TIAM1: variants seen among roughly 807,000 people sequenced by gnomAD.
TIAM1 encodes the protein TIAM Rac1 associated GEF 1, also known as rho guanine nucleotide exchange factor TIAM1.
Under a neutral mutation model 163.5 loss-of-function variants are expected in TIAM1, and 65 were observed. That is an observed-to-expected ratio of 0.40 (90% CI 0.33 to 0.49). The LOEUF is 0.49. TIAM1 is among the 20% of genes least tolerant of loss of function. The pLI, the probability that TIAM1 is intolerant of heterozygous loss-of-function variation, is 0.77. For synonymous variants in TIAM1, 833 were observed against 810.1 expected (o/e 1.03, Z -0.48); for missense variants, 1,789 against 2,044.7 (o/e 0.87, Z 2.41).
intron 2 of TIAM1, among the ~76,000 whole-genome samples, chr21:31,365,383 C>CTTTTTTTTT (rs201546931): frequency 5.8e-5 from 8 of 138,436 alleles, no homozygotes; most frequent in South Asian, 2.4e-4. Context: ...TCACTTATTT[C>CTTTTTTTTT]TTTCTTTTTT....
chr21:31,433,400 A>G (rs994795227), intron 2 of TIAM1, among the ~76,000 whole-genome samples: 1 of 152,196 alleles, frequency 6.6e-6, no homozygotes, highest in Non-Finnish European at 1.5e-5. Flanking sequence ...GTAGAAGGAG[A>G]ATGAAAACGA....
intron 2 of TIAM1, among the ~76,000 whole-genome samples, chr21:31,317,511 G>A (rs954888294): frequency 1.1e-4 from 17 of 152,120 alleles, no homozygotes; most frequent in Middle Eastern, 3.4e-3. Flanking sequence ...CGGGCACGGC[G>A]GCTCACGCCT....
At chr21:31,221,919 G>C (rs897877545) in intron 8 of TIAM1, among the ~76,000 whole-genome samples, 60 of 152,238 alleles carry the variant, frequency 3.9e-4, no homozygotes, top group African/African-American at 1.4e-3. Context: ...AACTGAAAAC[G>C]TTTTGTAAGT....
chr21:31,154,662 T>G (rs2083535692), intron 16 of TIAM1, among the ~76,000 whole-genome samples: 1 of 152,220 alleles, frequency 6.6e-6, no homozygotes, highest in Non-Finnish European at 1.5e-5. Flanking sequence ...GCCGGTCTAA[T>G]GCATTTCATC....
chr21:31,545,318 T>C (rs975988801), intron 1 of TIAM1, among the ~76,000 whole-genome samples: 3 of 152,206 alleles, frequency 2.0e-5, no homozygotes, highest in Non-Finnish European at 2.9e-5. Context: ...CCTAGGGCCC[T>C]CAGAGGGAGT....
chr21:31,558,096 C>T (rs62222900), intron 1 of TIAM1, among the ~76,000 whole-genome samples: 12,177 of 152,274 alleles, frequency 0.08, 614 homozygotes, highest in Admixed American at 0.11. Flanking sequence ...GGGGGGCGCA[C>T]GGCGCGCTGC....
chr21:31,163,100 A>G (rs1238757516), intron 16 of TIAM1, among the ~76,000 whole-genome samples: 1 of 152,216 alleles, frequency 6.6e-6, no homozygotes, highest in African/African-American at 2.4e-5. Context: ...CTGACCTATC[A>G]AAGTAAAGTA....
chr21:31,296,227 G>T (rs989524507), intron 2 of TIAM1, among the ~76,000 whole-genome samples: 1 of 152,082 alleles, frequency 6.6e-6, no homozygotes, highest in African/African-American at 2.4e-5. Flanking sequence ...TATTTCTGGG[G>T]GTAATAAGGA....
chr21:31,474,992 C>T (rs1210732823), intron 1 of TIAM1, among the ~76,000 whole-genome samples: 1 of 151,046 alleles, frequency 6.6e-6, no homozygotes, highest in African/African-American at 2.4e-5. Context: ...TGAATTGCAG[C>T]CGCTCCACAT....
intron 1 of TIAM1, among the ~76,000 whole-genome samples, chr21:31,557,152 G>A (rs570021609): frequency 6.6e-6 from 1 of 152,272 alleles, no homozygotes; most frequent in Admixed American, 6.5e-5. Context: ...AAACCTAATG[G>A]AAATTCAAAC....
chr21:31,495,745 C>T (rs992480037), intron 1 of TIAM1, among the ~76,000 whole-genome samples: 2 of 151,802 alleles, frequency 1.3e-5, no homozygotes, highest in Non-Finnish European at 2.9e-5. Flanking sequence ...CAAGGCGGGG[C>T]GGGGGGATCA....
intron 1 of TIAM1, among the ~76,000 whole-genome samples, chr21:31,343,132 G>A (rs1214227557): frequency 2.6e-5 from 4 of 152,012 alleles, no homozygotes; most frequent in Non-Finnish European, 5.9e-5. Context: ...TGAAGGATTC[G>A]CTTACAAAAA....
intron 6 of TIAM1, among the ~76,000 whole-genome samples, chr21:31,240,671 C>G (rs1376750186): frequency 6.6e-6 from 1 of 152,236 alleles, no homozygotes; most frequent in Non-Finnish European, 1.5e-5. Flanking sequence ...CATGCAAACA[C>G]TCTTCACTCC....
intron 2 of TIAM1, among the ~76,000 whole-genome samples, chr21:31,369,487 G>T (rs370384042): frequency 6.6e-6 from 1 of 152,048 alleles, no homozygotes; most frequent in African/African-American, 2.4e-5. Context: ...AAGTTCTAGA[G>T]ATCTATACCA....
At chr21:31,450,926 G>T (rs1156851163) in intron 2 of TIAM1, among the ~76,000 whole-genome samples, 7 of 152,116 alleles carry the variant, frequency 4.6e-5, no homozygotes, top group Non-Finnish European at 8.8e-5. Flanking sequence ...TACACTTCAA[G>T]ATGAGATTTG....
At chr21:31,248,793 G>A (rs376710600) in intron 5 of TIAM1, among the ~76,000 whole-genome samples, 1 of 152,016 alleles carries the variant, frequency 6.6e-6, no homozygotes, top group African/African-American at 2.4e-5. Flanking sequence ...CATGTTCTGG[G>A]CCTGAATTCC....
intron 6 of TIAM1, among the ~76,000 whole-genome samples, chr21:31,239,814 A>T (rs1234670783): frequency 6.6e-6 from 1 of 152,196 alleles, no homozygotes; most frequent in Non-Finnish European, 1.5e-5. Flanking sequence ...CTTAAAAAGG[A>T]TTTTAAAAAA....
At chr21:31,199,924 A>AAC (rs71191193) in intron 12 of TIAM1, among the ~76,000 whole-genome samples, 1 of 151,050 alleles carries the variant, frequency 6.6e-6, no homozygotes, top group East Asian at 1.9e-4. Flanking sequence ...AAAAAAAAAA[A>AAC]ACACACAAAA....
In TIAM1 at chr21:31,118,679, G is replaced by A. The variant is rs760057602; in HGVS notation, c.*1689C>T. 12 of 470,486 alleles carry A rather than the reference G, an allele frequency of 2.6e-5. No homozygotes were observed. Among genetic ancestry groups the A allele is most frequent in the Non-Finnish European group, 4.0e-5 (9 of 226,906 alleles). 29.1% of individuals were successfully genotyped at this position (470,486 alleles called of 1,614,324 possible). A position where few individuals can be genotyped will look rare whatever the true frequency, so the allele number is the denominator to read the frequency against. On this transcript the variant is annotated 3_prime_UTR_variant, in exon 28 of 28. Transcript: ENST00000541036. ...CTGCTTCCGTTTTCCATCTGGACGC[G>A]ATCGAACCGGAGATGATATGGAAAA... is the stretch of plus-strand genomic sequence containing the variant.
Sources: allele counts gnomAD v4.1 joint callset (sites outside exome capture counted in the v4.1 genomes callset), GRCh38; gene constraint gnomAD v4.1.1; transcripts MANE v1.5; gene names NCBI Gene and HGNC (gene_info 2026-07-23, HGNC 2026-07-21).